The following AFDN variants were observed in gnomAD, a reference collection of about 807,000 sequenced individuals.
AFDN encodes afadin, adherens junction formation factor, also known as afadin.
AFDN carries 68 observed loss-of-function variants against 216.6 expected under a neutral mutation model. That is an observed-to-expected ratio of 0.31 (90% CI 0.26 to 0.38). The LOEUF is 0.38. Ranked by LOEUF, AFDN falls within the 10% of genes least tolerant of loss-of-function variation. The probability of loss-of-function intolerance (pLI) is 1.00; values close to 1 mark genes in which losing one functional copy is unlikely to be tolerated. For synonymous variants in AFDN, 868 were observed against 853.7 expected (o/e 1.02, Z -0.29); for missense variants, 2,136 against 2,342.0 (o/e 0.91, Z 1.82).
intron 1 of AFDN, among the ~76,000 whole-genome samples, chr6:167,854,901 A>G (rs1782723492): frequency 6.6e-6 from 1 of 151,836 alleles, no homozygotes; most frequent in South Asian, 2.1e-4. Context: ...GTTCCAGGAA[A>G]AAAAGAAAAA....
intron 1 of AFDN, among the ~76,000 whole-genome samples, chr6:167,859,070 TG>T (rs757875954): frequency 6.7e-5 from 10 of 148,488 alleles, no homozygotes; most frequent in Non-Finnish European, 1.0e-4. Flanking sequence ...TGGCCGTTCT[TG>T]TTTTTTTTTT....
In AFDN at chr6:167,951,885, G is replaced by C; in HGVS notation, c.4531G>C (p.Glu1511Gln). Residue 1511 changes from glutamate (E) to glutamine (Q), a missense_variant, in exon 30 of 34, where the codon GAG (glutamate) becomes CAG (glutamine). By Grantham distance (29) the Glu-to-Gln change is conservative. Transcript: ENST00000683244. The surrounding 1 kb of genome is among the most constrained non-coding windows in gnomAD (Gnocchi z 7.1). ...DLQYITVSKE[E>Q]LSSGDSLSPD... ...GCAGTACATTACAGTCAGCAAAGAGGAGCTTTCCTCGGGGGACAGTCTGTC... is the reference window on the plus strand; with the variant it reads ...GCAGTACATTACAGTCAGCAAAGAGCAGCTTTCCTCGGGGGACAGTCTGTC... 1 of 1,614,030 alleles carries C rather than the reference G, an allele frequency of 6.2e-7. No homozygotes were observed. Among genetic ancestry groups the C allele is most frequent in the Non-Finnish European group, 8.5e-7 (1 of 1,179,998 alleles).
At position 167,930,162 on chromosome 6, in the gene AFDN, A is replaced by T. The variant is rs1793102809; in HGVS notation, c.3099+5071A>T. Among the ~76,000 whole-genome samples, 4 of 152,132 alleles carry T rather than the reference A, an allele frequency of 2.6e-5. No homozygotes were observed. The South Asian group carries it at 8.3e-4, about 32-fold the overall frequency. On this transcript the variant is annotated intron_variant, in intron 23 of 33. Transcript: ENST00000683244. ...TGAGGCTGTGGTGAACTGTTTTTTC[A>T]TCATTGCACCCCAGCCCAGGTAACA...
intron 32 of AFDN, among the ~76,000 whole-genome samples, chr6:167,966,895 A>G (rs1351661004): frequency 1.3e-5 from 2 of 152,104 alleles, no homozygotes; most frequent in Non-Finnish European, 2.9e-5. Context: ...CTTTTCCTCT[A>G]ACTGGCTTCA....
chr6:167,917,602 C>T lies in AFDN; in HGVS notation c.2709+370C>T, dbSNP rs371226189. ...CTGAAATGAGAGGCTTGTCCCTTCT[C>T]ATCCAGAATGGAGCCAGGAGTTTTG... On this transcript the variant is annotated intron_variant, in intron 20 of 33. Transcript: ENST00000683244. Among the ~76,000 whole-genome samples, 27 of 152,326 alleles carry T rather than the reference C, an allele frequency of 1.8e-4. No homozygotes were observed. In the East Asian group the frequency reaches 4.4e-3, roughly 25 times the overall value.
At chr6:167,926,031 A>G (rs1188948044) in intron 23 of AFDN, among the ~76,000 whole-genome samples, 1 of 152,252 alleles carries the variant, frequency 6.6e-6, no homozygotes, top group Non-Finnish European at 1.5e-5. Flanking sequence ...TCTGAATTAC[A>G]CAGTTAATGT....
At chr6:167,941,786 C>G (rs1438727858) in intron 23 of AFDN, among the ~76,000 whole-genome samples, 1 of 149,718 alleles carries the variant, frequency 6.7e-6, no homozygotes, top group South Asian at 2.1e-4. Context: ...AGGGTGGAAA[C>G]CATCCACAGG....
rs142861391 is a variant in AFDN at position 167,971,429 on chromosome 6, A to AT, written c.*1503dup. 0.083 allele frequency: 16,306 copies of AT among 197,594 alleles called. 910 individuals are homozygous for AT. The highest frequency in any genetic ancestry group is 0.21 in the South Asian group (1,102 of 5,170). The allele number at this position is 197,594 out of a possible 1,614,324, so 12.2% of individuals were successfully genotyped here. A position where few individuals can be genotyped will look rare whatever the true frequency, so the allele number is the denominator to read the frequency against. On this transcript the variant is annotated 3_prime_UTR_variant, in exon 34 of 34. Coordinates refer to ENST00000683244, the MANE Select transcript of AFDN (RefSeq NM_001386888.1). ...AATCATTAAAAATGCGAGTGTAAAT[A>AT]TTTTTTTTTACCTCTATCAGGGTTT...
chr6:167,914,942 TAA>T lies in AFDN; in HGVS notation c.2299+208_2299+209del, dbSNP rs547737823. On this transcript the variant is annotated intron_variant, in intron 18 of 33. Transcript: ENST00000683244. ...GGTGTGTCATGCTGGCCATACTCTTTAAAAAGTCTCTTAAGGCCAAACTAATG... is the reference window on the plus strand; with the variant it reads ...GGTGTGTCATGCTGGCCATACTCTTTAAAGTCTCTTAAGGCCAAACTAATG... Among the ~76,000 whole-genome samples, 10 of 152,354 alleles carry T rather than the reference TAA, an allele frequency of 6.6e-5. No individual in the cohort carries two copies. The South Asian group carries it at 1.5e-3, about 22-fold the overall frequency.
chr6:167,867,225 C>A (rs867541101), intron 2 of AFDN, among the ~76,000 whole-genome samples: 6 of 152,072 alleles, frequency 3.9e-5, no homozygotes, highest in South Asian at 2.1e-4. Context: ...GGATTTTCAT[C>A]TAGTAAAAAT....
At chr6:167,836,201 G>C (rs919462183) in intron 1 of AFDN, among the ~76,000 whole-genome samples, 1 of 152,108 alleles carries the variant, frequency 6.6e-6, no homozygotes, top group Non-Finnish European at 1.5e-5. Context: ...CCTACTTATG[G>C]GACATTTTCA....
At position 167,854,238 on chromosome 6, in the gene AFDN, TTGTA is replaced by T. The variant is rs559078911; in HGVS notation, c.106-10310_106-10307del. ...TGTATTTAAGGGCCGATTCACTACT[TTGTA>T]TGCTGCCTGAAGGTTTTTTTGGGTG... On this transcript the variant is annotated intron_variant, in intron 1 of 33. Transcript: ENST00000683244. 7.0e-3 allele frequency among the ~76,000 whole-genome samples: 1,059 copies of T among 152,140 alleles called. 13 individuals are homozygous for T. Among genetic ancestry groups the T allele is most frequent in the African/African-American group, 0.024 (1,006 of 41,544 alleles).
At chr6:167,955,926 C>A (rs1796454869) in intron 30 of AFDN, among the ~76,000 whole-genome samples, 1 of 151,728 alleles carries the variant, frequency 6.6e-6, no homozygotes, top group Non-Finnish European at 1.5e-5. Flanking sequence ...ACCAGCCTGA[C>A]CAACATGGTG....
chr6:167,925,152 T>A, intron 23 of AFDN, 61 bp downstream of exon 23: 1 of 1,217,540 alleles, frequency 8.2e-7, no homozygotes, highest in South Asian at 1.2e-5. Flanking sequence ...AATCAGTGGT[T>A]GTCAGAGTGG....
At chr6:167,907,489 A>G (rs1166602187) in intron 13 of AFDN, among the ~76,000 whole-genome samples, 200 bp downstream of exon 13, 1 of 152,238 alleles carries the variant, frequency 6.6e-6, no homozygotes, top group Non-Finnish European at 1.5e-5. Flanking sequence ...CTTATATGCC[A>G]CAGTGTTATC....
At position 167,827,091 on chromosome 6, in the gene AFDN, C is replaced by A; in HGVS notation, c.-42C>A. 9.0e-7 allele frequency: 1 copy of A among 1,116,024 alleles called. No individual in the cohort carries two copies. Among genetic ancestry groups the A allele is most frequent in the African/African-American group, 1.7e-5 (1 of 59,196 alleles). 69.1% of individuals were successfully genotyped at this position (1,116,024 alleles called of 1,614,324 possible). A position where few individuals can be genotyped will look rare whatever the true frequency, so the allele number is the denominator to read the frequency against. On this transcript the variant is annotated 5_prime_UTR_variant, in exon 1 of 34. Coordinates refer to ENST00000683244, the MANE Select transcript of AFDN (RefSeq NM_001386888.1). ...GGACCTGTCGTCCTCGGCCCGTCCT[C>A]CGGCCCCGGCCCCGCGCGGCTGAGG... is the stretch of plus-strand genomic sequence containing the variant.
intron 9 of AFDN, among the ~76,000 whole-genome samples, chr6:167,896,626 T>C (rs1041268406): frequency 3.9e-5 from 6 of 152,258 alleles, no homozygotes; most frequent in Non-Finnish European, 8.8e-5. Flanking sequence ...TTTTTCAATG[T>C]AATAAGAATG....
chr6:167,915,140 C>G lies in AFDN; in HGVS notation c.2300-28C>G, dbSNP rs911041000. On this transcript the variant is annotated intron_variant, in intron 18 of 33. Coordinates refer to ENST00000683244, the MANE Select transcript of AFDN (RefSeq NM_001386888.1). ...CTTCTTCCTGGATGACATTTTGCTC[C>G]TCTTGTCCTCTCACCCTGTCTGGGC... 2.5e-5 allele frequency: 41 copies of G among 1,610,476 alleles called. No homozygotes were observed. The African/African-American group carries it at 5.1e-4, about 20-fold the overall frequency.
intron 6 of AFDN, among the ~76,000 whole-genome samples, chr6:167,882,197 A>G (rs1786201841): frequency 6.6e-6 from 1 of 152,140 alleles, no homozygotes; most frequent in Non-Finnish European, 1.5e-5. Flanking sequence ...AGACGGAGAA[A>G]GAACTCTTAG....
Sources: gnomAD v4.1 joint callset for allele counts (sites outside exome capture counted in the v4.1 genomes callset) on GRCh38, gnomAD v4.1.1 for gene constraint, Gnocchi (gnomAD v3.1) non-coding constraint, MANE v1.5 for transcripts, NCBI Gene and HGNC (gene_info 2026-07-23, HGNC 2026-07-21) for gene names.